Variants in FSTL4 observed in about 807,000 individuals in gnomAD.
FSTL4 encodes follistatin like 4.
FSTL4 carries 28 observed loss-of-function variants against 78.2 expected under a neutral mutation model. The observed-to-expected ratio is 0.36, with a 90% CI of 0.27 to 0.49. The LOEUF (loss-of-function observed/expected upper bound fraction) is 0.49, where lower values mean the gene tolerates loss of function less well. Ranked by LOEUF, FSTL4 falls within the 20% of genes least tolerant of loss-of-function variation. The pLI, the probability that FSTL4 is intolerant of heterozygous loss-of-function variation, is 0.98. For missense variants in FSTL4, 922 were observed against 1,084.9 expected (o/e 0.85, Z 2.11); for synonymous variants, 422 against 440.5 (o/e 0.96, Z 0.53).
At chr5:133,666,528 T>C in the FSTL4 span, among the ~76,000 whole-genome samples, 2 of 151,748 alleles carry the variant, frequency 1.3e-5, no homozygotes, top group African/African-American at 4.8e-5. Context: ...TAAATATCCA[T>C]GGTTAAAGGA....
intron 3 of FSTL4, among the ~76,000 whole-genome samples, chr5:133,444,563 C>T (rs550894445): frequency 6.6e-6 from 1 of 152,342 alleles, no homozygotes; most frequent in African/African-American, 2.4e-5. Flanking sequence ...CGTGTGCCCC[C>T]AGTGCTGCTC....
chr5:133,740,010 AG>A, the FSTL4 span, among the ~76,000 whole-genome samples: 11 of 151,456 alleles, frequency 7.3e-5, 1 homozygote, highest in African/African-American at 2.7e-4. Context: ...CCACCACCTC[AG>A]CCCTGCAAGT....
the FSTL4 span, among the ~76,000 whole-genome samples, chr5:133,793,414 G>A: frequency 1.7e-4 from 26 of 152,342 alleles, no homozygotes; most frequent in South Asian, 6.2e-4. Context: ...CTGAGCTCCC[G>A]CCCACACCAA....
chr5:133,258,937 G>C (rs760632420), intron 6 of FSTL4, among the ~76,000 whole-genome samples: 1 of 152,106 alleles, frequency 6.6e-6, no homozygotes, highest in Non-Finnish European at 1.5e-5. Context: ...TCCAACTTTG[G>C]CTCCAATCCC....
chr5:133,574,660 A>G (rs1377151059), intron 2 of FSTL4, among the ~76,000 whole-genome samples: 2 of 152,256 alleles, frequency 1.3e-5, no homozygotes, highest in Non-Finnish European at 2.9e-5. Flanking sequence ...GGCTGAATGC[A>G]GCATGATATG....
the FSTL4 span, among the ~76,000 whole-genome samples, chr5:133,709,787 T>C: frequency 0.27 from 41,421 of 152,160 alleles, 6,969 homozygotes; most frequent in African/African-American, 0.48. Flanking sequence ...AATGCTCATG[T>C]CCCCAGCCAG....
At chr5:133,633,880 G>C in the FSTL4 span, among the ~76,000 whole-genome samples, 7 of 152,188 alleles carry the variant, frequency 4.6e-5, no homozygotes, top group Non-Finnish European at 7.4e-5. Context: ...GCTCCTTCTT[G>C]GTGGTTGGCA....
At chr5:133,282,087 G>T (rs745509822) in intron 6 of FSTL4, among the ~76,000 whole-genome samples, 19 of 152,188 alleles carry the variant, frequency 1.2e-4, no homozygotes, top group Non-Finnish European at 1.5e-4. Flanking sequence ...GAGTCCAGGG[G>T]AGGCAGATGA....
At chr5:133,467,597 G>T (rs1347385136) in intron 3 of FSTL4, among the ~76,000 whole-genome samples, 1 of 152,160 alleles carries the variant, frequency 6.6e-6, no homozygotes, top group East Asian at 1.9e-4. Context: ...GTCACAGAGG[G>T]TGGGCCTGAG....
At chr5:133,814,273 T>G in the FSTL4 span, among the ~76,000 whole-genome samples, 1 of 152,162 alleles carries the variant, frequency 6.6e-6, no homozygotes, top group Non-Finnish European at 1.5e-5. Flanking sequence ...GGGCAGGATG[T>G]GCATCCTCCG....
intron 6 of FSTL4, among the ~76,000 whole-genome samples, chr5:133,262,987 C>T (rs190933166): frequency 2.0e-5 from 3 of 152,172 alleles, no homozygotes; most frequent in Non-Finnish European, 4.4e-5. Flanking sequence ...CGCTCTGGAC[C>T]GAGCATGGCT....
the FSTL4 span, among the ~76,000 whole-genome samples, chr5:133,655,965 C>T: frequency 3.3e-5 from 5 of 152,178 alleles, no homozygotes; most frequent in Non-Finnish European, 7.3e-5. Flanking sequence ...AGTGGAATCA[C>T]GCTTTTACTC....
chr5:133,422,708 G>A (rs1295887777), intron 3 of FSTL4, among the ~76,000 whole-genome samples: 3 of 152,128 alleles, frequency 2.0e-5, no homozygotes, highest in Non-Finnish European at 4.4e-5. Context: ...CATCACCTAG[G>A]GAATGAGAGT....
chr5:133,412,699 T>C (rs1003131798), intron 3 of FSTL4, among the ~76,000 whole-genome samples: 4 of 152,176 alleles, frequency 2.6e-5, no homozygotes, highest in South Asian at 2.1e-4. Flanking sequence ...TATTCCCTCA[T>C]TGCCACACAG....
chr5:133,475,360 G>A (rs1045518640), intron 3 of FSTL4, among the ~76,000 whole-genome samples: 2 of 152,158 alleles, frequency 1.3e-5, no homozygotes, highest in African/African-American at 4.8e-5. Flanking sequence ...TCACAAAGGC[G>A]GCGTCCGACC....
intron 6 of FSTL4, among the ~76,000 whole-genome samples, chr5:133,261,591 T>C (rs1362611534): frequency 6.6e-6 from 1 of 152,196 alleles, no homozygotes; most frequent in Non-Finnish European, 1.5e-5. Context: ...GGCGCGGTGC[T>C]CACGCCTGGA....
chr5:133,355,711 AGTTTT>A (rs1754926016), intron 4 of FSTL4, among the ~76,000 whole-genome samples: 1 of 152,190 alleles, frequency 6.6e-6, no homozygotes, highest in Non-Finnish European at 1.5e-5. Flanking sequence ...AACAATGCCT[AGTTTT>A]GTTTTAAAAG....
In FSTL4 at chr5:133,517,422, C is replaced by CAA. The variant is rs34374583; in HGVS notation, c.160+49762_160+49763dup. On this transcript the variant is annotated intron_variant, in intron 3 of 15. Coordinates refer to ENST00000265342, the MANE Select transcript of FSTL4 (RefSeq NM_015082.2). ...TGGGCGACAGAGTGAGACTCCATCT[C>CAA]AAAAAAAAAAAAAAAAAAAAAAAAA... is the stretch of plus-strand genomic sequence containing the variant. Among the ~76,000 whole-genome samples the CAA allele has an allele frequency of 3.1e-3, 33 of 10,602 alleles. 1 individual carries two copies. The highest frequency in any genetic ancestry group is 6.1e-3 in the African/African-American group (8 of 1,308). 7.0% of individuals were successfully genotyped at this position (10,602 alleles called of 152,430 possible). A position where few individuals can be genotyped will look rare whatever the true frequency, so the allele number is the denominator to read the frequency against.
chr5:133,760,912 A>T, the FSTL4 span, among the ~76,000 whole-genome samples: 15 of 152,372 alleles, frequency 9.8e-5, no homozygotes, highest in Non-Finnish European at 2.2e-4. Flanking sequence ...AAGTCACACC[A>T]TAAAATGGAG....
Sources: allele counts gnomAD v4.1 joint callset (sites outside exome capture counted in the v4.1 genomes callset), GRCh38; gene constraint gnomAD v4.1.1; transcripts MANE v1.5; gene names NCBI Gene and HGNC (gene_info 2026-07-23, HGNC 2026-07-21).